Variants in CFAP65 observed in about 807,000 individuals in gnomAD.
CFAP65 encodes cilia- and flagella-associated protein 65.
Under a neutral mutation model 208.0 loss-of-function variants are expected in CFAP65, and 155 were observed. The observed-to-expected ratio is 0.75, with a 90% CI of 0.65 to 0.85. The LOEUF (loss-of-function observed/expected upper bound fraction) is 0.85, where lower values mean the gene tolerates loss of function less well. Among genes scored for constraint, CFAP65 ranks in the 40% least tolerant of loss-of-function variants. CFAP65 has a pLI of 0.00. For synonymous variants in CFAP65, 970 were observed against 986.3 expected (o/e 0.98, Z 0.31); for missense variants, 2,294 against 2,451.3 (o/e 0.94, Z 1.36).
intron 13 of CFAP65, chr2:219,026,887 G>A: frequency 1.0e-6 from 1 of 986,644 alleles, no homozygotes; most frequent in Non-Finnish European, 1.2e-6. Flanking sequence ...TTAGGACGGG[G>A]GCAACCAAAG....
At chr2:219,010,775 A>G (rs377094156) in intron 25 of CFAP65, 30 bp downstream of exon 25, 1 of 1,589,130 alleles carries the variant, frequency 6.3e-7, no homozygotes, top group East Asian at 2.3e-5. Context: ...GCACCACCCC[A>G]CCTCCCACGT....
chr2:219,017,184 G>T (rs541819325), intron 21 of CFAP65, among the ~76,000 whole-genome samples: 1 of 152,352 alleles, frequency 6.6e-6, no homozygotes, highest in South Asian at 2.1e-4. Context: ...CCCAGTAAAG[G>T]TGTGGCCAAT....
intron 31 of CFAP65, 26 bp from the exon 32 acceptor site, chr2:219,005,588 G>T: frequency 6.2e-7 from 1 of 1,609,558 alleles, no homozygotes; most frequent in Non-Finnish European, 8.5e-7. Flanking sequence ...CATTCTGAGT[G>T]GCCTGGGCAA....
Position 219,031,027 on chromosome 2 carries a change from G to A in CFAP65, c.1015+79C>T. The A allele has an allele frequency of 2.0e-6, 3 of 1,484,166 alleles. No individual in the cohort carries two copies. The highest frequency in any genetic ancestry group is 1.8e-6 in the Non-Finnish European group (2 of 1,097,952). The allele number at this position is 1,484,166 out of a possible 1,614,324, so 91.9% of individuals were successfully genotyped here. On this transcript the variant is annotated intron_variant, in intron 8 of 34. Transcript: ENST00000341552. The surrounding 1 kb of genome is among the most constrained non-coding windows in gnomAD (Gnocchi z 5.2). Reference sequence around the variant, plus strand: ...GAGGCGGGGGCCAGGCCAGATGGGAGGTGGGGGACACTGAGGCCTGGAGGA... The same window carrying A: ...GAGGCGGGGGCCAGGCCAGATGGGAAGTGGGGGACACTGAGGCCTGGAGGA...
chr2:219,035,873 C>G (rs1372667898), intron 4 of CFAP65, among the ~76,000 whole-genome samples: 1 of 152,186 alleles, frequency 6.6e-6, no homozygotes, highest in Non-Finnish European at 1.5e-5. Flanking sequence ...AGTCAGACAT[C>G]ACGTCTTCCA....
At position 219,035,687 on chromosome 2, in the gene CFAP65, G is replaced by C. The variant is rs774608400; in HGVS notation, c.358-23C>G. On this transcript the variant is annotated intron_variant, in intron 4 of 34. Transcript: ENST00000341552. ...GGGCTGTTCAGGTGGCAGGGAGAAG[G>C]GGGAGCAGAAAGGATGTATCAGCAG... 12 of 1,595,532 alleles carry C rather than the reference G, an allele frequency of 7.5e-6. No homozygotes were observed. The Admixed American group carries it at 2.1e-4, about 27-fold the overall frequency.
chr2:219,010,749 C>G lies in CFAP65; in HGVS notation c.4150-45G>C. ...GGGGTAGGGACTGGTCAGAGGGAGG[C>G]CTGCTGAGGAAGCCAGCACCACCCC... On this transcript the variant is annotated intron_variant, in intron 25 of 34. Coordinates refer to ENST00000341552, the MANE Select transcript of CFAP65 (RefSeq NM_194302.4). 3 of 1,585,708 alleles carry G rather than the reference C, an allele frequency of 1.9e-6. No homozygotes were observed. The South Asian group carries it at 3.4e-5, about 18-fold the overall frequency.
In CFAP65 at chr2:219,028,413, GTC is replaced by G; in HGVS notation, c.1651-14_1651-13del. 6.2e-7 allele frequency: 1 copy of G among 1,610,802 alleles called. No homozygotes were observed. The highest frequency in any genetic ancestry group is 1.3e-5 in the African/African-American group (1 of 74,708). The stretch of plus-strand genomic sequence containing the variant: ...AGGAACAGTGGGTCCTGTGACATTT[GTC>G]TGTGTGTGGTGGGGCATGGGAGGGG... On this transcript the variant is annotated splice_polypyrimidine_tract_variant and intron_variant, in intron 11 of 34. Transcript: ENST00000341552.
intron 29 of CFAP65, 54 bp downstream of exon 29, chr2:219,008,993 G>A: frequency 6.7e-7 from 1 of 1,486,504 alleles, no homozygotes; most frequent in Non-Finnish European, 9.4e-7. Flanking sequence ...TGTCCCCTCT[G>A]GTAAGGCCAG....
intron 24 of CFAP65, among the ~76,000 whole-genome samples, chr2:219,011,750 C>G (rs941266847): frequency 2.0e-5 from 3 of 152,206 alleles, no homozygotes; most frequent in African/African-American, 7.2e-5. Context: ...TAGAGTCCAT[C>G]TGGATTCAGT....
chr2:219,039,277 A>C (rs1280831117), intron 2 of CFAP65: 8 of 355,080 alleles, frequency 2.3e-5, no homozygotes, highest in Non-Finnish European at 4.1e-5. Flanking sequence ...AATCTAAGGC[A>C]CACAAAGTAT....
intron 5 of CFAP65, 133 bp downstream of exon 5, chr2:219,035,347 G>A (rs768163678): frequency 1.6e-5 from 25 of 1,569,948 alleles, no homozygotes; most frequent in Middle Eastern, 3.3e-4. Flanking sequence ...CATACTGCAC[G>A]TATTTTAAAC....
chr2:219,026,141 T>A lies in CFAP65; in HGVS notation c.2230A>T (p.Asn744Tyr), dbSNP rs372574503. Residue 744 changes from asparagine (N) to tyrosine (Y), a missense_variant, in exon 14 of 35, where the codon AAT becomes TAT. Coordinates refer to ENST00000341552, the MANE Select transcript of CFAP65 (RefSeq NM_194302.4). ...CACATGGTGCAGTCCTCCTCAATAT[T>A]ACTGTAGCTCTGCAGGACCTGCAGA... Reference protein sequence around the residue: ...AIYKVLQSYSNIEEDCTMCPS... With the variant: ...AIYKVLQSYSYIEEDCTMCPS... 1 of 1,612,852 alleles carries A rather than the reference T, an allele frequency of 6.2e-7. No homozygotes were observed. The highest frequency in any genetic ancestry group is 1.3e-5 in the African/African-American group (1 of 74,872).
intron 19 of CFAP65, 64 bp from the exon 20 acceptor site, chr2:219,019,783 C>A (rs1257380191): frequency 1.4e-6 from 2 of 1,422,478 alleles, no homozygotes; most frequent in Admixed American, 1.8e-5. Flanking sequence ...AGGGGGCATG[C>A]AGGCCAAAGG....
At position 219,004,305 on chromosome 2, in the gene CFAP65, G is replaced by A; in HGVS notation, c.5202C>T (p.Pro1734=). The part of the protein sequence containing the change: ...SLYLMPILPV[P]SSSWEDGKGK... ...CCTTCCCATCCTCCCAGCTGCTGGA[G>A]GGTACAGGCAGGATTGGCATTAAGT... Residue 1734 remains proline (P), a synonymous_variant, in exon 33 of 35, where the codon CCC becomes CCT. Transcript: ENST00000341552. This position sits in a 1 kb window ranked among gnomAD's most constrained non-coding sequence, Gnocchi z 4.7. 2 of 1,614,142 alleles carry A rather than the reference G, an allele frequency of 1.2e-6. No individual in the cohort carries two copies. Among genetic ancestry groups the A allele is most frequent in the Admixed American group, 3.3e-5 (2 of 60,026 alleles).
At chr2:219,018,672 C>T (rs1947065541) in intron 21 of CFAP65, 1 of 231,130 alleles carries the variant, frequency 4.3e-6, no homozygotes, top group African/African-American at 2.2e-5. Context: ...CCCTCAGCCT[C>T]CCTGTCCATG....
intron 1 of CFAP65, 22 bp downstream of exon 1, chr2:219,041,466 G>A: frequency 6.4e-7 from 1 of 1,550,436 alleles, no homozygotes. Context: ...CTGGGACCTT[G>A]GGACTAACGC....
rs1574502119 is a variant in CFAP65, at chr2:219,003,928, C to T, written c.5555+24G>A. On this transcript the variant is annotated intron_variant, in intron 33 of 34. Coordinates refer to ENST00000341552, the MANE Select transcript of CFAP65 (RefSeq NM_194302.4). This position sits in a 1 kb window ranked among gnomAD's most constrained non-coding sequence, Gnocchi z 4.4. Reference sequence around the variant, plus strand: ...CTTCTGCACTTCGCCTCCCTCCCGTCCTCACTGGGGCCTGGCTGCTCACCT... The same window carrying T: ...CTTCTGCACTTCGCCTCCCTCCCGTTCTCACTGGGGCCTGGCTGCTCACCT... 1.9e-6 allele frequency: 3 copies of T among 1,597,540 alleles called. No individual in the cohort carries two copies. Among genetic ancestry groups the T allele is most frequent in the East Asian group, 2.2e-5 (1 of 44,730 alleles).
intron 30 of CFAP65, 102 bp downstream of exon 30, chr2:219,006,363 C>T (rs1945981242): frequency 6.6e-7 from 1 of 1,523,746 alleles, no homozygotes; most frequent in South Asian, 1.1e-5. Flanking sequence ...TTTCATCCCT[C>T]CTTTCTGGGA....
Sources: allele counts gnomAD v4.1 joint callset (sites outside exome capture counted in the v4.1 genomes callset), GRCh38; gene constraint gnomAD v4.1.1; non-coding constraint Gnocchi (gnomAD v3.1); transcripts MANE v1.5; gene names NCBI Gene and HGNC (gene_info 2026-07-23, HGNC 2026-07-21).